Variants in CDH13 observed in about 807,000 individuals in gnomAD.
CDH13 encodes the protein cadherin-13.
CDH13 carries 24 observed loss-of-function variants against 63.8 expected under a neutral mutation model. That is an observed-to-expected ratio of 0.38 (90% confidence interval 0.27 to 0.53). The LOEUF (loss-of-function observed/expected upper bound fraction) is 0.53, where lower values mean the gene tolerates loss of function less well. Among genes scored for constraint, CDH13 ranks in the 20% least tolerant of loss-of-function variants. The pLI, the probability that CDH13 is intolerant of heterozygous loss-of-function variation, is 0.85. For missense variants in CDH13, 1,049 were observed against 903.1 expected (o/e 1.16, Z -2.07); for synonymous variants, 503 against 355.3 (o/e 1.42, Z -4.67).
At chr16:82,654,829 G>A (rs1597230888) in intron 1 of CDH13, among the ~76,000 whole-genome samples, 1 of 152,140 alleles carries the variant, frequency 6.6e-6, no homozygotes, top group South Asian at 2.1e-4. Flanking sequence ...AGCTAACAAA[G>A]GTATGTGCCT....
chr16:83,239,980 G>C (rs900242601), intron 5 of CDH13, among the ~76,000 whole-genome samples: 4 of 152,140 alleles, frequency 2.6e-5, no homozygotes, highest in Non-Finnish European at 4.4e-5. Flanking sequence ...AGAAGGTCAT[G>C]AGCTATACAA....
chr16:83,434,921 A>G (rs953140149), intron 6 of CDH13, among the ~76,000 whole-genome samples: 18 of 146,384 alleles, frequency 1.2e-4, no homozygotes, highest in African/African-American at 4.5e-4. Context: ...ATTTATATAT[A>G]TAATATATAA....
intron 1 of CDH13, among the ~76,000 whole-genome samples, chr16:82,734,060 G>A (rs561125964): frequency 1.3e-4 from 20 of 152,178 alleles, no homozygotes; most frequent in Non-Finnish European, 2.6e-4. Context: ...TTGGAGCTGG[G>A]ATTTCAGAAG....
intron 2 of CDH13, among the ~76,000 whole-genome samples, chr16:82,879,849 G>A (rs1597883053): frequency 1.4e-5 from 2 of 140,186 alleles, no homozygotes; most frequent in Non-Finnish European, 3.0e-5. Flanking sequence ...AATTATATTT[G>A]TGAATATATA....
chr16:82,857,760 AT>A (rs2151165044), intron 1 of CDH13, among the ~76,000 whole-genome samples: 1 of 152,340 alleles, frequency 6.6e-6, no homozygotes, highest in South Asian at 2.1e-4. Flanking sequence ...TTAATATGAA[AT>A]TATTGACTAT....
intron 8 of CDH13, among the ~76,000 whole-genome samples, chr16:83,606,555 T>C (rs563038085): frequency 6.6e-6 from 1 of 151,786 alleles, no homozygotes; most frequent in South Asian, 2.1e-4. Context: ...CTGGGAAACA[T>C]GGTGAAACTC....
intron 7 of CDH13, among the ~76,000 whole-genome samples, chr16:83,532,673 G>C (rs1297393366): frequency 1.3e-5 from 2 of 152,204 alleles, no homozygotes; most frequent in Non-Finnish European, 2.9e-5. Context: ...CTCTGCAGTG[G>C]CTTGCACCAT....
At chr16:83,493,991 G>C (rs547601818) in intron 7 of CDH13, among the ~76,000 whole-genome samples, 1 of 152,280 alleles carries the variant, frequency 6.6e-6, no homozygotes, top group African/African-American at 2.4e-5. Flanking sequence ...CAGTCCGTAG[G>C]TATTTTCTTT....
chr16:82,891,669 C>T (rs79287671), intron 2 of CDH13, among the ~76,000 whole-genome samples: 275 of 152,262 alleles, frequency 1.8e-3, no homozygotes, highest in African/African-American at 6.4e-3. Flanking sequence ...GCTGTAAATG[C>T]CAGTGACCAT....
At chr16:83,415,304 T>C (rs1028980337) in intron 6 of CDH13, among the ~76,000 whole-genome samples, 4 of 152,072 alleles carry the variant, frequency 2.6e-5, no homozygotes, top group South Asian at 4.1e-4. Flanking sequence ...CTCAACAAAG[T>C]AAAGCTTAAG....
Position 82,651,519 on chromosome 16 carries a change from T to C in CDH13, c.45+24382T>C, listed in dbSNP as rs955228129. On this transcript the variant is annotated intron_variant, in intron 1 of 13. Coordinates refer to ENST00000567109, the MANE Select transcript of CDH13 (RefSeq NM_001257.5). ...TTACTTTGATTTTATTGGGAGAGTATATGGGTGGCGTATCTTCTTAAATTC... is the reference window on the plus strand; with the variant it reads ...TTACTTTGATTTTATTGGGAGAGTACATGGGTGGCGTATCTTCTTAAATTC... Among the ~76,000 whole-genome samples, 45 of 152,214 alleles carry C rather than the reference T, an allele frequency of 3.0e-4. 1 individual carries two copies. The highest frequency in any genetic ancestry group is 1.3e-4 in the Non-Finnish European group (9 of 68,034).
chr16:82,971,356 AC>A (rs748332474), intron 2 of CDH13, among the ~76,000 whole-genome samples: 4 of 152,022 alleles, frequency 2.6e-5, no homozygotes, highest in Non-Finnish European at 5.9e-5. Flanking sequence ...TGCTCCCATC[AC>A]CTTCCACATC....
intron 5 of CDH13, among the ~76,000 whole-genome samples, chr16:83,235,582 GT>G (rs58891041): frequency 4.3e-5 from 6 of 140,448 alleles, no homozygotes; most frequent in African/African-American, 1.6e-4. Context: ...ATGTGGTGGT[GT>G]TTTTTTTTTT....
intron 1 of CDH13, among the ~76,000 whole-genome samples, chr16:82,717,207 CA>C (rs1453336556): frequency 6.6e-6 from 1 of 151,944 alleles, no homozygotes; most frequent in Non-Finnish European, 1.5e-5. Context: ...AACCTGGGCC[CA>C]GAGATGCATA....
In CDH13 at chr16:83,125,485, C is replaced by T. The variant is rs753660020; in HGVS notation, c.467C>T (p.Pro156Leu). The change falls in exon 4 of 14, where the codon CCA (proline) becomes CTA (leucine). Residue 156 changes from proline (P) to leucine (L), a missense_variant. Coordinates refer to ENST00000567109, the MANE Select transcript of CDH13 (RefSeq NM_001257.5). Reference protein sequence around the residue: ...LIPENQRQPFPRDVGKVVDSD... With the variant: ...LIPENQRQPFLRDVGKVVDSD... ...CCAGAGAATCAGAGACAGCCTTTCC[C>T]AAGAGATGTTGGCAAGGTAAGTCAG... is the stretch of plus-strand genomic sequence containing the variant. 6.3e-7 allele frequency: 1 copy of T among 1,594,612 alleles called. No homozygotes were observed. Among genetic ancestry groups the T allele is most frequent in the Non-Finnish European group, 8.6e-7 (1 of 1,162,602 alleles).
chr16:83,790,906 A>G (rs10514600), intron 13 of CDH13, among the ~76,000 whole-genome samples: 9,786 of 152,336 alleles, frequency 0.064, 435 homozygotes, highest in East Asian at 0.16. Context: ...TTAATTAACC[A>G]GTATTAGCAA....
intron 9 of CDH13, among the ~76,000 whole-genome samples, chr16:83,674,911 G>T (rs1401179506): frequency 6.6e-6 from 1 of 152,110 alleles, no homozygotes. Context: ...GAAAGCATCC[G>T]TTATTCCCCA....
At chr16:82,849,853 G>T (rs896445562) in intron 1 of CDH13, among the ~76,000 whole-genome samples, 3 of 152,188 alleles carry the variant, frequency 2.0e-5, no homozygotes, top group African/African-American at 7.2e-5. Context: ...ACAAAGCCTG[G>T]ATGACAGTAC....
intron 1 of CDH13, among the ~76,000 whole-genome samples, chr16:82,749,664 G>A (rs893762186): frequency 6.6e-6 from 1 of 152,166 alleles, no homozygotes; most frequent in East Asian, 1.9e-4. Flanking sequence ...ATTGCATTAT[G>A]TATATATTTT....
Sources: gnomAD v4.1 joint callset for allele counts (sites outside exome capture counted in the v4.1 genomes callset) on GRCh38, gnomAD v4.1.1 for gene constraint, MANE v1.5 for transcripts, NCBI Gene and HGNC (gene_info 2026-07-23, HGNC 2026-07-21) for gene names.